TRAIP: variants seen among roughly 807,000 people sequenced by gnomAD.
TRAIP encodes E3 ubiquitin-protein ligase TRAIP.
Under a neutral mutation model 65.0 loss-of-function variants are expected in TRAIP, and 37 were observed. That is an observed-to-expected ratio of 0.57 (90% CI 0.44 to 0.75). TRAIP has a LOEUF of 0.75. Among genes scored for constraint, TRAIP ranks in the 30% least tolerant of loss-of-function variants. The pLI is 0.00. For synonymous variants in TRAIP, 187 were observed against 219.1 expected, an observed-to-expected ratio of 0.85 and a Z score of 1.29; for missense variants, 481 against 579.4, an observed-to-expected ratio of 0.83 and a Z score of 1.74.
In TRAIP at chr3:49,841,915, C is replaced by G. The variant is rs761509582; in HGVS notation, c.528G>C (p.Gln176His). 1.2e-6 allele frequency: 2 copies of G among 1,614,234 alleles called. No individual in the cohort carries two copies. Among genetic ancestry groups the G allele is most frequent in the South Asian group, 2.2e-5 (2 of 91,088 alleles). ...MEQIELLLQS[Q>H]RPEVEEMIRD... ...GGATCATCTCCTCCACCTCAGGGCG[C>G]TGGCTCTGGAGTAGAAGCTCAATCC... Residue 176 changes from glutamine (Q) to histidine (H), a missense_variant, in exon 7 of 15, where the codon CAG (glutamine) becomes CAC (histidine). Physicochemically the swap from Gln to His is conservative, Grantham distance 24. Coordinates refer to ENST00000331456, the MANE Select transcript of TRAIP (RefSeq NM_005879.3).
At chr3:49,834,023 G>T (rs1373402598) in intron 10 of TRAIP, among the ~76,000 whole-genome samples, 1 of 152,136 alleles carries the variant, frequency 6.6e-6, no homozygotes, top group African/African-American at 2.4e-5. Flanking sequence ...GCCTCAGGGA[G>T]CCAGGCAAGA....
intron 3 of TRAIP, among the ~76,000 whole-genome samples, chr3:49,845,107 G>A (rs1164984540): frequency 1.3e-5 from 2 of 152,194 alleles, no homozygotes; most frequent in African/African-American, 2.4e-5. Flanking sequence ...TCCAATGGAG[G>A]TAGCTATGCC....
In TRAIP at chr3:49,856,461, G is replaced by C. The variant is rs2081970640; in HGVS notation, c.-8C>G. 1 of 1,612,032 alleles carries C rather than the reference G, an allele frequency of 6.2e-7. No individual in the cohort carries two copies. The highest frequency in any genetic ancestry group is 1.3e-5 in the African/African-American group (1 of 74,898). On this transcript the variant is annotated 5_prime_UTR_variant, in exon 1 of 15. Coordinates refer to ENST00000331456, the MANE Select transcript of TRAIP (RefSeq NM_005879.3). Reference sequence around the variant, plus strand: ...CAGAGCACGGATAGGCATGATGGCTGGACTCAAGGGGCCCAGGCAGCCAAA... The same window carrying C: ...CAGAGCACGGATAGGCATGATGGCTCGACTCAAGGGGCCCAGGCAGCCAAA...
At chr3:49,852,663 G>C (rs1037049787) in intron 1 of TRAIP, among the ~76,000 whole-genome samples, 2 of 151,554 alleles carry the variant, frequency 1.3e-5, no homozygotes, top group African/African-American at 4.9e-5. Context: ...GCTGAGGCAG[G>C]AGAATGGCGT....
At chr3:49,832,288 C>T (rs1048023327) in intron 10 of TRAIP, among the ~76,000 whole-genome samples, 2 of 152,052 alleles carry the variant, frequency 1.3e-5, no homozygotes, top group African/African-American at 4.8e-5. Flanking sequence ...GTCAAGAGAT[C>T]AAGACCACCC....
intron 11 of TRAIP, among the ~76,000 whole-genome samples, chr3:49,830,915 T>G (rs915871796): frequency 1.3e-5 from 2 of 151,394 alleles, no homozygotes; most frequent in African/African-American, 2.4e-5. Flanking sequence ...AGAACTTCAC[T>G]ACCTCCTTCA....
At position 49,832,003 on chromosome 3, in the gene TRAIP, T is replaced by C. The variant is rs1278496212; in HGVS notation, c.950A>G (p.Asn317Ser). 6.2e-7 allele frequency: 1 copy of C among 1,607,970 alleles called. No homozygotes were observed. The highest frequency in any genetic ancestry group is 1.1e-5 in the South Asian group (1 of 90,076). The change falls in exon 11 of 15, where the codon AAT becomes AGT. Residue 317 changes from asparagine (N) to serine (S), a missense_variant. By Grantham distance (46) the Asn-to-Ser change is conservative. Coordinates refer to ENST00000331456, the MANE Select transcript of TRAIP (RefSeq NM_005879.3). ...RPSFRDDIDL[N>S]ATFDVDTPPA... ...GGGAGTATCCACATCAAAGGTAGCA[T>C]TGAGATCAATATCATCACGGAAGGA...
chr3:49,829,786 G>A lies in TRAIP; in HGVS notation c.1087-20C>T, dbSNP rs567745409. The A allele has an allele frequency of 4.3e-6, 7 of 1,613,516 alleles. No individual in the cohort carries two copies. In the South Asian group the frequency reaches 6.6e-5, roughly 15 times the overall value. ...GGACTCCTGCAGGGAAGACCCCAGG[G>A]CCAGACTTGATGAGCTGGATGTCAG... On this transcript the variant is annotated intron_variant, in intron 12 of 14. Transcript: ENST00000331456.
At chr3:49,840,896 C>A in intron 8 of TRAIP, 89 bp downstream of exon 8, 1 of 1,238,170 alleles carries the variant, frequency 8.1e-7, no homozygotes, top group African/African-American at 1.5e-5. Flanking sequence ...GCTGTGCCAT[C>A]AGGTCCCATG....
At position 49,829,448 on chromosome 3, in the gene TRAIP, A is replaced by G. The variant is rs370712427; in HGVS notation, c.1287+10T>C. On this transcript the variant is annotated intron_variant, in intron 14 of 14. Coordinates refer to ENST00000331456, the MANE Select transcript of TRAIP (RefSeq NM_005879.3). ...GTTCAGCTCAGCTCAACATCACAGGAAAAGGATACAGGCTGGATGAATTTT... is the reference window on the plus strand; with the variant it reads ...GTTCAGCTCAGCTCAACATCACAGGGAAAGGATACAGGCTGGATGAATTTT... 489 of 1,613,966 alleles carry G rather than the reference A, an allele frequency of 3.0e-4. 1 individual carries two copies. Among genetic ancestry groups the G allele is most frequent in the Non-Finnish European group, 4.0e-4 (470 of 1,180,016 alleles).
intron 10 of TRAIP, among the ~76,000 whole-genome samples, chr3:49,836,415 C>T (rs1050762546): frequency 3.9e-5 from 6 of 151,962 alleles, no homozygotes; most frequent in Non-Finnish European, 7.4e-5. Flanking sequence ...TCTCTTCAAC[C>T]GGGAAGCGGA....
chr3:49,854,442 G>A (rs887558498), intron 1 of TRAIP, among the ~76,000 whole-genome samples: 3 of 152,228 alleles, frequency 2.0e-5, no homozygotes, highest in Non-Finnish European at 4.4e-5. Context: ...CTGGGAAAAT[G>A]AGAAAGGTGT....
chr3:49,852,724 C>T (rs944288296), intron 1 of TRAIP, among the ~76,000 whole-genome samples: 13 of 151,474 alleles, frequency 8.6e-5, no homozygotes, highest in African/African-American at 3.2e-4. Context: ...CACTGCACTC[C>T]AGCCTGGGTG....
chr3:49,837,308 A>G (rs894185211), intron 10 of TRAIP, among the ~76,000 whole-genome samples: 2 of 151,924 alleles, frequency 1.3e-5, no homozygotes, highest in African/African-American at 4.8e-5. Flanking sequence ...TAGGCTGGGC[A>G]TGGTGGCTCA....
At chr3:49,855,945 A>G (rs945778730) in intron 1 of TRAIP, among the ~76,000 whole-genome samples, 9 of 152,232 alleles carry the variant, frequency 5.9e-5, no homozygotes, top group African/African-American at 2.2e-4. Context: ...GACTCTGGGT[A>G]GAATAATTCC....
intron 10 of TRAIP, among the ~76,000 whole-genome samples, chr3:49,838,800 C>T (rs139962502): frequency 0.023 from 3,469 of 148,110 alleles, 142 homozygotes; most frequent in African/African-American, 0.082. Flanking sequence ...GCAGGAGAAT[C>T]GCTTGAACCT....
At chr3:49,831,861 C>G in intron 11 of TRAIP, 55 bp downstream of exon 11, 1 of 1,461,238 alleles carries the variant, frequency 6.8e-7, no homozygotes. Context: ...GCCTGCAGAG[C>G]TGTCTTAGCT....
chr3:49,851,987 G>A (rs1192919905), intron 1 of TRAIP, among the ~76,000 whole-genome samples: 5 of 149,846 alleles, frequency 3.3e-5, no homozygotes, highest in African/African-American at 4.9e-5. Context: ...GTGAGCCACC[G>A]CGCCCAGCCA....
chr3:49,838,614 G>A (rs973080655), intron 10 of TRAIP, among the ~76,000 whole-genome samples: 1 of 152,166 alleles, frequency 6.6e-6, no homozygotes, highest in Non-Finnish European at 1.5e-5. Context: ...AACCAGGCAC[G>A]GTGGCTCACA....
Sources: gnomAD v4.1 joint callset for allele counts (sites outside exome capture counted in the v4.1 genomes callset) on GRCh38, gnomAD v4.1.1 for gene constraint, MANE v1.5 for transcripts, NCBI Gene and HGNC (gene_info 2026-07-23, HGNC 2026-07-21) for gene names.